Variants in DSC3 observed in about 807,000 individuals in gnomAD.
DSC3 encodes desmocollin 3.
A neutral mutation model predicts 89.5 loss-of-function variants in DSC3; 97 were observed. The observed-to-expected ratio is 1.08, with a 90% CI of 0.92 to 1.28. The LOEUF (loss-of-function observed/expected upper bound fraction) is 1.28, where lower values mean the gene tolerates loss of function less well. DSC3 is among the 50% of genes most tolerant of loss of function. The probability of loss-of-function intolerance (pLI) is 0.00; values close to 1 mark genes in which losing one functional copy is unlikely to be tolerated. For missense variants in DSC3, 1,199 were observed against 1,085.3 expected, an observed-to-expected ratio of 1.10 and a Z score of -1.47; for synonymous variants, 436 against 384.1, an observed-to-expected ratio of 1.14 and a Z score of -1.58.
intron 9 of DSC3, among the ~76,000 whole-genome samples, chr18:31,009,036 G>GTATTT (rs1273094956): frequency 1.3e-5 from 2 of 151,988 alleles, no homozygotes; most frequent in African/African-American, 4.8e-5. Context: ...GATATCTCCA[G>GTATTT]TATTTTATTT....
chr18:31,036,978 A>G (rs1985992822), intron 1 of DSC3, among the ~76,000 whole-genome samples: 1 of 151,478 alleles, frequency 6.6e-6, no homozygotes, highest in South Asian at 2.1e-4. Context: ...TTTTTAGTAG[A>G]GATGGGGTTT....
intron 9 of DSC3, among the ~76,000 whole-genome samples, chr18:31,017,097 G>T (rs11874779): frequency 0.046 from 6,946 of 152,052 alleles, 520 homozygotes; most frequent in African/African-American, 0.16. Context: ...AGCATAATGG[G>T]TTTTTTTAAG....
intron 4 of DSC3, among the ~76,000 whole-genome samples, chr18:31,026,133 CA>C (rs1472702039): frequency 6.6e-6 from 1 of 151,894 alleles, no homozygotes; most frequent in Non-Finnish European, 1.5e-5. Context: ...AGAAAACTGA[CA>C]AAAATTAAAT....
At chr18:31,021,242 A>G (rs8091492) in intron 7 of DSC3, among the ~76,000 whole-genome samples, 1 of 151,848 alleles carries the variant, frequency 6.6e-6, no homozygotes, top group Non-Finnish European at 1.5e-5. Flanking sequence ...ACCTCATTTT[A>G]AAAAATTTGA....
chr18:31,015,964 G>C (rs980687053), intron 9 of DSC3, among the ~76,000 whole-genome samples: 1 of 152,000 alleles, frequency 6.6e-6, no homozygotes, highest in Non-Finnish European at 1.5e-5. Context: ...AGAAGATGAG[G>C]ACAGAGACCT....
chr18:31,006,591 T>C (rs993437503), intron 12 of DSC3, among the ~76,000 whole-genome samples: 1 of 152,114 alleles, frequency 6.6e-6, no homozygotes, highest in African/African-American at 2.4e-5. Flanking sequence ...TGAGTCACCA[T>C]GCCCAGCCAT....
intron 14 of DSC3, among the ~76,000 whole-genome samples, chr18:31,000,710 A>G (rs1248357392): frequency 1.3e-5 from 2 of 152,006 alleles, no homozygotes; most frequent in Non-Finnish European, 1.5e-5. Flanking sequence ...CCTCTTCTTT[A>G]GCTATTCTCA....
At chr18:31,030,469 A>G (rs1985746380) in intron 3 of DSC3, among the ~76,000 whole-genome samples, 1 of 152,188 alleles carries the variant, frequency 6.6e-6, no homozygotes, top group African/African-American at 2.4e-5. Context: ...GGCATTCCTC[A>G]CTGTAAAGGT....
chr18:31,016,920 T>C (rs917544223), intron 9 of DSC3, among the ~76,000 whole-genome samples: 3 of 152,186 alleles, frequency 2.0e-5, no homozygotes, highest in African/African-American at 7.2e-5. Context: ...CATTTTAACA[T>C]TGGCTTCCTG....
chr18:30,998,840 G>A (rs764638670), intron 14 of DSC3, among the ~76,000 whole-genome samples: 48 of 152,240 alleles, frequency 3.2e-4, no homozygotes, highest in African/African-American at 5.1e-4. Flanking sequence ...AAGTATAAGC[G>A]CCCATTGGAT....
In DSC3 at chr18:30,994,381, T is replaced by A. The variant is rs745744813; in HGVS notation, c.2494-9A>T. 6.2e-7 allele frequency: 1 copy of A among 1,613,022 alleles called. No individual in the cohort carries two copies. Among genetic ancestry groups the A allele is most frequent in the Non-Finnish European group, 8.5e-7 (1 of 1,179,428 alleles). On this transcript the variant is annotated splice_polypyrimidine_tract_variant and intron_variant, in intron 15 of 15. Transcript: ENST00000360428. ...TTACATCGATGCAATTTCTGTAAAA[T>A]TTTTTAAAAAATGAATTGCATTATA... is the stretch of plus-strand genomic sequence containing the variant.
intron 4 of DSC3, among the ~76,000 whole-genome samples, chr18:31,028,168 T>A (rs989902955): frequency 1.3e-5 from 2 of 152,070 alleles, no homozygotes; most frequent in Admixed American, 6.6e-5. Context: ...AGAGGTAAGA[T>A]TCATTGACTG....
Position 30,991,085 on chromosome 18 carries a change from T to A in DSC3, c.*3090A>T, listed in dbSNP as rs1437799921. ...AGAAACCAAGTTAATATTGTTTTAT[T>A]ACATCTCCCCACATCTGTAAATATT... On this transcript the variant is annotated 3_prime_UTR_variant, in exon 16 of 16. Coordinates refer to ENST00000360428, the MANE Select transcript of DSC3 (RefSeq NM_001941.5). The A allele has an allele frequency of 4.6e-5, 7 of 152,624 alleles. No individual in the cohort carries two copies. The highest frequency in any genetic ancestry group is 7.3e-5 in the Non-Finnish European group (5 of 68,042). The allele number at this position is 152,624 out of a possible 1,614,324, so 9.5% of individuals were successfully genotyped here.
chr18:31,027,071 T>G lies in DSC3; in HGVS notation c.475-1156A>C, dbSNP rs558766099. ...TTGGGATCTCAATAAAATGCACCTA[T>G]TCCAATAATGTATAATAATACAGAA... is the stretch of plus-strand genomic sequence containing the variant. On this transcript the variant is annotated intron_variant, in intron 4 of 15. Transcript: ENST00000360428. Among the ~76,000 whole-genome samples, 10 of 152,260 alleles carry G rather than the reference T, an allele frequency of 6.6e-5. No homozygotes were observed. The South Asian group carries it at 2.1e-3, about 32-fold the overall frequency.
intron 12 of DSC3, among the ~76,000 whole-genome samples, chr18:31,006,265 A>G (rs1446826394): frequency 1.3e-5 from 2 of 149,712 alleles, no homozygotes; most frequent in African/African-American, 5.0e-5. Context: ...TAAACTACAC[A>G]TCTTCTGCTC....
In DSC3 at chr18:30,996,749, G is replaced by A. The variant is rs147449301; in HGVS notation, c.2493+42C>T. On this transcript the variant is annotated intron_variant, in intron 15 of 15. Transcript: ENST00000360428. ...TTGAATTGTCTATTTTTCTCCATTC[G>A]GAGGTTTAAATTTTAGACTCAAAAC... 97 of 1,608,456 alleles carry A rather than the reference G, an allele frequency of 6.0e-5. No homozygotes were observed. In the African/African-American group the frequency reaches 6.2e-4, roughly 10 times the overall value.
chr18:31,017,130 T>C (rs1282546254), intron 9 of DSC3, among the ~76,000 whole-genome samples: 3 of 152,200 alleles, frequency 2.0e-5, no homozygotes, highest in Non-Finnish European at 4.4e-5. Flanking sequence ...GTATTCAATT[T>C]GAGCAGATCA....
Position 31,025,781 on chromosome 18 carries a change from A to G in DSC3, c.609T>C (p.Arg203=). The G allele has an allele frequency of 6.2e-7, 1 of 1,613,228 alleles. No homozygotes were observed. The highest frequency in any genetic ancestry group is 8.5e-7 in the Non-Finnish European group (1 of 1,179,352). Residue 203 remains arginine, a synonymous_variant, in exon 5 of 16, where the codon CGT becomes CGC. Transcript: ENST00000360428. ...CTACATCAAAAACATCATATTCTTC[A>G]CGATCCACAGGCCGAGTGCAAAATA... ...GNLFCTRPVD[R]EEYDVFDLIA... is the part of the protein sequence containing the mutation.
At chr18:31,026,255 C>T (rs1018484462) in intron 4 of DSC3, among the ~76,000 whole-genome samples, 13 of 148,566 alleles carry the variant, frequency 8.8e-5, no homozygotes, top group African/African-American at 3.2e-4. Flanking sequence ...GCAAGAAAGC[C>T]ACTGTGATTG....
Sources: allele counts gnomAD v4.1 joint callset (sites outside exome capture counted in the v4.1 genomes callset), GRCh38; gene constraint gnomAD v4.1.1; transcripts MANE v1.5; gene names NCBI Gene and HGNC (gene_info 2026-07-23, HGNC 2026-07-21).